CSMD1: variants seen among roughly 807,000 people sequenced by gnomAD.
CSMD1 encodes the protein CUB and sushi domain-containing protein 1.
A neutral mutation model predicts 417.5 loss-of-function variants in CSMD1; 213 were observed. The ratio of observed to expected loss-of-function variants is 0.51; its 90% CI spans 0.46 to 0.57. The LOEUF (loss-of-function observed/expected upper bound fraction) is 0.57, where lower values mean the gene tolerates loss of function less well. Among genes scored for constraint, CSMD1 ranks in the 20% least tolerant of loss-of-function variants. The pLI, the probability that CSMD1 is intolerant of heterozygous loss-of-function variation, is 0.00. For synonymous variants in CSMD1, 2,862 were observed against 1,736.8 expected, an observed-to-expected ratio of 1.65 and a Z score of -16.11; for missense variants, 6,923 against 4,529.7, an observed-to-expected ratio of 1.53 and a Z score of -15.17.
At chr8:4,825,097 A>C (rs1799745531) in intron 1 of CSMD1, among the ~76,000 whole-genome samples, 1 of 152,122 alleles carries the variant, frequency 6.6e-6, no homozygotes, top group African/African-American at 2.4e-5. Flanking sequence ...TACATTTATA[A>C]CTTGATGAAC....
chr8:4,093,143 C>T (rs949538725), intron 3 of CSMD1, among the ~76,000 whole-genome samples: 2 of 152,098 alleles, frequency 1.3e-5, no homozygotes, highest in African/African-American at 4.8e-5. Flanking sequence ...TTATACAAGT[C>T]ATATTGACTG....
rs765335206 is a variant in CSMD1, at chr8:3,753,893, T to C, written c.931+37A>G. 5 of 1,340,626 alleles carry C rather than the reference T, an allele frequency of 3.7e-6. No individual in the cohort carries two copies. The East Asian group carries it at 7.0e-5, about 19-fold the overall frequency. The allele number at this position is 1,340,626 out of a possible 1,614,324, so 83.0% of individuals were successfully genotyped here. A position where few individuals can be genotyped will look rare whatever the true frequency, so the allele number is the denominator to read the frequency against. On this transcript the variant is annotated intron_variant, in intron 6 of 69. Coordinates refer to ENST00000635120, the MANE Select transcript of CSMD1 (RefSeq NM_033225.6). ...GAAAGGATCAAAATATATTACGCTC[T>C]GTTTTTTTTTTTTCTTATAAGATGG...
At chr8:4,006,901 C>G (rs1030836176) in intron 4 of CSMD1, among the ~76,000 whole-genome samples, 2 of 141,238 alleles carry the variant, frequency 1.4e-5, no homozygotes, top group South Asian at 2.2e-4. Context: ...GATCTCGGCT[C>G]ACTGCAAGCT....
At chr8:3,494,108 T>C (rs971019964) in intron 10 of CSMD1, among the ~76,000 whole-genome samples, 1 of 152,240 alleles carries the variant, frequency 6.6e-6, no homozygotes. Flanking sequence ...ATATCCAGAA[T>C]GCTCTGCAAT....
intron 26 of CSMD1, among the ~76,000 whole-genome samples, chr8:3,269,423 G>A (rs1367279178): frequency 1.3e-5 from 2 of 152,232 alleles, no homozygotes; most frequent in African/African-American, 4.8e-5. Flanking sequence ...CCATAAAACA[G>A]TCCCAGCCTG....
At chr8:4,151,202 C>A (rs1189554350) in intron 3 of CSMD1, among the ~76,000 whole-genome samples, 2 of 152,154 alleles carry the variant, frequency 1.3e-5, no homozygotes, top group African/African-American at 4.8e-5. Context: ...GTTACCATAA[C>A]CTCTTCTTGT....
At chr8:4,074,575 T>A (rs1019058011) in intron 3 of CSMD1, among the ~76,000 whole-genome samples, 6 of 152,130 alleles carry the variant, frequency 3.9e-5, no homozygotes, top group Non-Finnish European at 8.8e-5. Flanking sequence ...GGATCCGACA[T>A]AAATTATTCT....
intron 1 of CSMD1, among the ~76,000 whole-genome samples, chr8:4,801,587 CAGTT>C (rs1174346425): frequency 1.3e-5 from 2 of 152,070 alleles, no homozygotes; most frequent in Non-Finnish European, 2.9e-5. Flanking sequence ...TCAATCATCT[CAGTT>C]AGTGAGCACC....
At chr8:3,862,319 C>T (rs1314050845) in intron 5 of CSMD1, among the ~76,000 whole-genome samples, 1 of 152,188 alleles carries the variant, frequency 6.6e-6, no homozygotes, top group Non-Finnish European at 1.5e-5. Flanking sequence ...CTGTCATCTG[C>T]CCAAGGGCGT....
At chr8:3,983,864 C>T (rs1451202387) in intron 5 of CSMD1, among the ~76,000 whole-genome samples, 2 of 151,718 alleles carry the variant, frequency 1.3e-5, no homozygotes, top group Non-Finnish European at 2.9e-5. Flanking sequence ...AACTCTAGAG[C>T]ACACAGCAGA....
intron 5 of CSMD1, among the ~76,000 whole-genome samples, chr8:3,843,520 G>A (rs2129095654): frequency 6.6e-6 from 1 of 152,132 alleles, no homozygotes; most frequent in East Asian, 1.9e-4. Context: ...TGAGAAAAAT[G>A]TGAAACTATA....
chr8:3,637,806 G>C (rs1254663597), intron 7 of CSMD1, among the ~76,000 whole-genome samples: 1 of 152,182 alleles, frequency 6.6e-6, no homozygotes, highest in South Asian at 2.1e-4. Context: ...CCAGTGGGAA[G>C]TAATTGAATC....
chr8:3,693,156 T>C (rs1400516955), intron 7 of CSMD1, among the ~76,000 whole-genome samples: 3 of 152,184 alleles, frequency 2.0e-5, no homozygotes, highest in Non-Finnish European at 2.9e-5. Context: ...TGTCAAGTAA[T>C]TTGCTATAGT....
At chr8:4,530,877 G>T (rs1169214088) in intron 2 of CSMD1, among the ~76,000 whole-genome samples, 3 of 151,864 alleles carry the variant, frequency 2.0e-5, no homozygotes, top group Non-Finnish European at 4.4e-5. Context: ...AGTAAAGTCA[G>T]CCTCATTCAT....
chr8:4,172,451 T>G (rs1310788193), intron 3 of CSMD1, among the ~76,000 whole-genome samples: 2 of 152,154 alleles, frequency 1.3e-5, no homozygotes, highest in Non-Finnish European at 2.9e-5. Flanking sequence ...TCCCAGGTGT[T>G]GTGTTACAAC....
At chr8:3,851,703 G>C (rs73491910) in intron 5 of CSMD1, among the ~76,000 whole-genome samples, 22,628 of 152,104 alleles carry the variant, frequency 0.15, 1,997 homozygotes, top group East Asian at 0.39. Flanking sequence ...AGAGAAAAAA[G>C]CAGAAGATAA....
chr8:3,605,716 T>C (rs1049300964), intron 8 of CSMD1, among the ~76,000 whole-genome samples: 1 of 152,220 alleles, frequency 6.6e-6, no homozygotes, highest in Non-Finnish European at 1.5e-5. Flanking sequence ...CAGATGTTAT[T>C]AGCATGAATA....
chr8:3,144,076 G>A (rs748693627), intron 40 of CSMD1, among the ~76,000 whole-genome samples: 4 of 152,162 alleles, frequency 2.6e-5, no homozygotes, highest in African/African-American at 7.2e-5. Flanking sequence ...TGGGCATCAC[G>A]TAGGGCCAAC....
At chr8:4,169,471 G>T (rs766868788) in intron 3 of CSMD1, among the ~76,000 whole-genome samples, 1 of 152,064 alleles carries the variant, frequency 6.6e-6, no homozygotes, top group African/African-American at 2.4e-5. Context: ...TCCCAAATCT[G>T]ACTCAATTCT....
Sources: allele counts gnomAD v4.1 joint callset (sites outside exome capture counted in the v4.1 genomes callset), GRCh38; gene constraint gnomAD v4.1.1; transcripts MANE v1.5; gene names NCBI Gene and HGNC (gene_info 2026-07-23, HGNC 2026-07-21).